The following MAPK8 variants were observed in gnomAD, a reference collection of about 807,000 sequenced individuals.
The protein encoded by MAPK8 is mitogen-activated protein kinase 8.
A neutral mutation model predicts 52.9 loss-of-function variants in MAPK8; 13 were observed. That is an observed-to-expected ratio of 0.25 (90% CI 0.16 to 0.39). The LOEUF is 0.39. Ranked by LOEUF, MAPK8 falls within the 10% of genes least tolerant of loss-of-function variation. MAPK8 has a pLI of 1.00. For synonymous variants in MAPK8, 191 were observed against 169.8 expected, an observed-to-expected ratio of 1.12 and a Z score of -0.97; for missense variants, 300 against 519.2, an observed-to-expected ratio of 0.58 and a Z score of 4.10.
At chr10:48,434,583 G>T (rs1282972417) in intron 11 of MAPK8, among the ~76,000 whole-genome samples, 2 of 152,306 alleles carry the variant, frequency 1.3e-5, no homozygotes, top group African/African-American at 4.8e-5. Context: ...CCCATTCATG[G>T]ATCTTGCTGC....
intron 1 of MAPK8, among the ~76,000 whole-genome samples, chr10:48,389,401 G>A (rs2041500753): frequency 6.6e-6 from 1 of 152,124 alleles, no homozygotes; most frequent in African/African-American, 2.4e-5. Context: ...TCTGCCTCTT[G>A]AAGAAGCACT....
At chr10:48,339,198 A>C (rs989606204) in intron 1 of MAPK8, among the ~76,000 whole-genome samples, 1 of 152,222 alleles carries the variant, frequency 6.6e-6, no homozygotes, top group African/African-American at 2.4e-5. Context: ...CTGCAAGGCT[A>C]TTGTAACCAA....
chr10:48,312,796 T>A (rs1424070921), intron 1 of MAPK8, among the ~76,000 whole-genome samples: 1 of 152,232 alleles, frequency 6.6e-6, no homozygotes, highest in East Asian at 1.9e-4. Context: ...AGTCTTAATG[T>A]TTTAATTTGT....
intron 1 of MAPK8, among the ~76,000 whole-genome samples, chr10:48,325,292 C>G (rs1290357654): frequency 6.6e-6 from 1 of 152,170 alleles, no homozygotes; most frequent in Admixed American, 6.5e-5. Context: ...TTAAGAAGAC[C>G]TTTCCCTCTT....
At chr10:48,312,947 A>G (rs1236086990) in intron 1 of MAPK8, among the ~76,000 whole-genome samples, 3 of 152,222 alleles carry the variant, frequency 2.0e-5, no homozygotes, top group Non-Finnish European at 4.4e-5. Flanking sequence ...ATTCCTGTGA[A>G]TACTTCCAAA....
intron 1 of MAPK8, chr10:48,326,046 T>G (rs2132202648): frequency 1.3e-5 from 2 of 152,342 alleles, no homozygotes; most frequent in Non-Finnish European, 2.9e-5. Flanking sequence ...ATTTTTCCAT[T>G]GTAAAGTTAC....
At chr10:48,425,018 A>T (rs1258730788) in intron 7 of MAPK8, among the ~76,000 whole-genome samples, 1 of 152,084 alleles carries the variant, frequency 6.6e-6, no homozygotes, top group Middle Eastern at 3.2e-3. Context: ...TTACTCACAT[A>T]ACATACTGAC....
chr10:48,438,796 TTGAC>T lies in MAPK8; in HGVS notation c.*3770_*3773del, dbSNP rs1262610091. 10 of 152,340 alleles carry T rather than the reference TTGAC, an allele frequency of 6.6e-5. No individual in the cohort carries two copies. The highest frequency in any genetic ancestry group is 2.1e-4 in the South Asian group (1 of 4,822). 9.4% of individuals were successfully genotyped at this position (152,340 alleles called of 1,614,324 possible). A position where few individuals can be genotyped will look rare whatever the true frequency, so the allele number is the denominator to read the frequency against. On this transcript the variant is annotated 3_prime_UTR_variant, in exon 12 of 12. Coordinates refer to ENST00000374189, the MANE Select transcript of MAPK8 (RefSeq NM_001323329.2). ...TCAGTAAGAGACACGTGTAAAATCT[TTGAC>T]TGTATGTCTTGCAAAATTGTGCTCG...
chr10:48,374,848 A>G (rs1369720535), intron 1 of MAPK8, among the ~76,000 whole-genome samples: 1 of 152,204 alleles, frequency 6.6e-6, no homozygotes, highest in Admixed American at 6.5e-5. Flanking sequence ...AAACTACTCC[A>G]AACAATAGAA....
At chr10:48,359,516 T>C (rs78819254) in intron 1 of MAPK8, among the ~76,000 whole-genome samples, 3,462 of 152,208 alleles carry the variant, frequency 0.023, 147 homozygotes, top group African/African-American at 0.079. Context: ...CTATCAGATA[T>C]CGATATATTA....
At chr10:48,409,705 A>G (rs2042649139) in intron 3 of MAPK8, among the ~76,000 whole-genome samples, 174 bp from the exon 4 acceptor site, 1 of 152,218 alleles carries the variant, frequency 6.6e-6, no homozygotes, top group East Asian at 1.9e-4. Flanking sequence ...CCCCTCCTCC[A>G]ACTCCTGCCC....
chr10:48,421,571 G>A (rs759998619), intron 6 of MAPK8, among the ~76,000 whole-genome samples: 7 of 152,114 alleles, frequency 4.6e-5, no homozygotes, highest in African/African-American at 9.7e-5. Context: ...TTGGGAGGCC[G>A]AGGCTCGTGG....
intron 1 of MAPK8, among the ~76,000 whole-genome samples, chr10:48,397,974 G>C (rs770989153): frequency 1.3e-5 from 2 of 152,240 alleles, no homozygotes; most frequent in East Asian, 3.9e-4. Flanking sequence ...TACACACACA[G>C]GGCATGTAAA....
chr10:48,361,772 A>G (rs1847550367), intron 1 of MAPK8, among the ~76,000 whole-genome samples: 1 of 152,120 alleles, frequency 6.6e-6, no homozygotes, highest in South Asian at 2.1e-4. Flanking sequence ...GGTCTTCCCT[A>G]AGGTGCTGTC....
chr10:48,338,117 A>G (rs971075499), intron 1 of MAPK8, among the ~76,000 whole-genome samples: 7 of 151,980 alleles, frequency 4.6e-5, no homozygotes, highest in African/African-American at 1.2e-4. Context: ...TATCATCCCA[A>G]TATCAAAATC....
At chr10:48,354,933 T>A (rs1183810317) in intron 1 of MAPK8, among the ~76,000 whole-genome samples, 1 of 152,022 alleles carries the variant, frequency 6.6e-6, no homozygotes, top group Non-Finnish European at 1.5e-5. Flanking sequence ...CATCCCAGAG[T>A]TGAAAGTTTT....
At chr10:48,328,636 C>T (rs1588956501) in intron 1 of MAPK8, among the ~76,000 whole-genome samples, 4 of 152,208 alleles carry the variant, frequency 2.6e-5, no homozygotes. Flanking sequence ...AGATTTGACA[C>T]ATTGAGATCA....
chr10:48,434,855 G>A lies in MAPK8; in HGVS notation c.1139-29G>A, dbSNP rs1342513459. ...GCTTGATCTGCAGCTGTCTGCAACT[G>A]ATTTGCTGTTTTGTTTCTCATAGCA... On this transcript the variant is annotated intron_variant, in intron 11 of 11. Coordinates refer to ENST00000374189, the MANE Select transcript of MAPK8 (RefSeq NM_001323329.2). The A allele has an allele frequency of 4.4e-6, 7 of 1,583,508 alleles. No individual in the cohort carries two copies. The South Asian group carries it at 6.9e-5, about 16-fold the overall frequency.
At chr10:48,391,105 C>G (rs1433557011) in intron 1 of MAPK8, among the ~76,000 whole-genome samples, 1 of 152,098 alleles carries the variant, frequency 6.6e-6, no homozygotes, top group East Asian at 1.9e-4. Context: ...GGGAAATGAA[C>G]AAATGAGATA....
Sources: allele counts gnomAD v4.1 joint callset (sites outside exome capture counted in the v4.1 genomes callset), GRCh38; gene constraint gnomAD v4.1.1; transcripts MANE v1.5; gene names NCBI Gene and HGNC (gene_info 2026-07-23, HGNC 2026-07-21).